Variants in LPP observed in about 807,000 individuals in gnomAD.
The protein encoded by LPP is lipoma-preferred partner.
In LPP, 38 loss-of-function variants were observed where a neutral mutation model predicts 60.4. The ratio of observed to expected loss-of-function variants is 0.63; its 90% CI spans 0.49 to 0.83. The LOEUF is 0.83. Ranked by LOEUF, LPP falls within the 40% of genes least tolerant of loss-of-function variation. The pLI, the probability that LPP is intolerant of heterozygous loss-of-function variation, is 0.00. For synonymous variants in LPP, 328 were observed against 290.8 expected (o/e 1.13, Z -1.30); for missense variants, 902 against 783.6 (o/e 1.15, Z -1.80).
At chr3:188,718,868 C>G (rs1715185250) in intron 8 of LPP, among the ~76,000 whole-genome samples, 1 of 152,158 alleles carries the variant, frequency 6.6e-6, no homozygotes, top group African/African-American at 2.4e-5. Context: ...TGGAGGGAAT[C>G]TTAAGAGACT....
At chr3:188,786,066 T>C (rs1036286521) in intron 9 of LPP, among the ~76,000 whole-genome samples, 1 of 152,130 alleles carries the variant, frequency 6.6e-6, no homozygotes, top group African/African-American at 2.4e-5. Flanking sequence ...CTTGCTTTTC[T>C]CAAAGTGCTA....
chr3:188,264,820 C>CT (rs1381491572), intron 2 of LPP, among the ~76,000 whole-genome samples: 8 of 151,796 alleles, frequency 5.3e-5, no homozygotes, highest in East Asian at 3.9e-4. Context: ...CTTTTCTTTC[C>CT]TTTTTTTTCT....
intron 3 of LPP, among the ~76,000 whole-genome samples, chr3:188,387,716 G>A (rs537661652): frequency 3.7e-4 from 56 of 151,834 alleles, no homozygotes; most frequent in East Asian, 7.8e-4. Context: ...ACAGGTGTGC[G>A]CCACCACACC....
At chr3:188,793,532 C>T (rs1185010972) in intron 9 of LPP, among the ~76,000 whole-genome samples, 1 of 152,092 alleles carries the variant, frequency 6.6e-6, no homozygotes, top group Non-Finnish European at 1.5e-5. Context: ...AGCGATCTAA[C>T]CTGTCATTTC....
In LPP at chr3:188,216,290, T is replaced by TTC. The variant is rs1553816107; in HGVS notation, c.-189-9114_-189-9113insCT. On this transcript the variant is annotated intron_variant, in intron 1 of 11. Coordinates refer to ENST00000617246, the MANE Select transcript of LPP (RefSeq NM_001375462.1). ...TCTTCTTCCTTTTTTTTTTTTTTTT[T>TTC]TGATGGAGTCTCACTCTCTTGCCTA... Among the ~76,000 whole-genome samples the TTC allele has an allele frequency of 4.0e-5, 6 of 150,126 alleles. 1 individual carries two copies. Among genetic ancestry groups the TTC allele is most frequent in the Non-Finnish European group, 5.9e-5 (4 of 67,600 alleles).
At chr3:188,681,919 A>G (rs1859620321) in intron 7 of LPP, among the ~76,000 whole-genome samples, 2 of 152,242 alleles carry the variant, frequency 1.3e-5, no homozygotes, top group Admixed American at 1.3e-4. Context: ...TTCTATGAGT[A>G]CAGGGAGTTT....
At chr3:188,787,400 C>T (rs954546829) in intron 9 of LPP, among the ~76,000 whole-genome samples, 1 of 151,730 alleles carries the variant, frequency 6.6e-6, no homozygotes, top group African/African-American at 2.4e-5. Flanking sequence ...AACCCTTTGA[C>T]AACTTTAGAT....
At chr3:188,811,382 A>G (rs927780400) in intron 9 of LPP, among the ~76,000 whole-genome samples, 57 of 146,122 alleles carry the variant, frequency 3.9e-4, no homozygotes, top group African/African-American at 1.2e-3. Flanking sequence ...ACACACACAC[A>G]CACGCACACA....
At chr3:188,220,726 G>A (rs1407135792) in intron 1 of LPP, among the ~76,000 whole-genome samples, 1 of 152,196 alleles carries the variant, frequency 6.6e-6, no homozygotes, top group Non-Finnish European at 1.5e-5. Flanking sequence ...CAGAGTGGTA[G>A]TCCTGCTTGG....
chr3:188,690,994 C>T (rs987131237), intron 7 of LPP, among the ~76,000 whole-genome samples: 1 of 151,944 alleles, frequency 6.6e-6, no homozygotes, highest in Non-Finnish European at 1.5e-5. Flanking sequence ...TACTTCTATC[C>T]ATATTTTTCC....
At chr3:188,250,144 C>G (rs1421650242) in intron 2 of LPP, among the ~76,000 whole-genome samples, 1 of 152,132 alleles carries the variant, frequency 6.6e-6, no homozygotes, top group Non-Finnish European at 1.5e-5. Context: ...ATTCAGTGTA[C>G]AGTCCAGCCT....
At chr3:188,629,083 T>G (rs1847383325) in intron 7 of LPP, among the ~76,000 whole-genome samples, 1 of 151,970 alleles carries the variant, frequency 6.6e-6, no homozygotes, top group Non-Finnish European at 1.5e-5. Flanking sequence ...CCTCAACAAC[T>G]TGAAATTGAA....
rs74561517 is a variant in LPP at position 188,350,282 on chromosome 3, T to C, written c.-10+8563T>C. Among the ~76,000 whole-genome samples the C allele has an allele frequency of 5.7e-3, 872 of 152,314 alleles. 5 individuals are homozygous for C. Among genetic ancestry groups the C allele is most frequent in the African/African-American group, 0.02 (817 of 41,576 alleles). ...ATGTGTGAGCTCAGTAATTATACTT[T>C]GAGAGAGACAGAATTTGGAGAACTC... On this transcript the variant is annotated intron_variant, in intron 3 of 11. Coordinates refer to ENST00000617246, the MANE Select transcript of LPP (RefSeq NM_001375462.1).
rs1752768693 is a variant in LPP, at chr3:188,309,689, T to C, written c.-66-31974T>C. Reference sequence around the variant, plus strand: ...TCGATAAAATAGGTTTAAATAGCCTTATGCCTGTATAATATTCATGAAAAG... The same window carrying C: ...TCGATAAAATAGGTTTAAATAGCCTCATGCCTGTATAATATTCATGAAAAG... On this transcript the variant is annotated intron_variant, in intron 2 of 11. Coordinates refer to ENST00000617246, the MANE Select transcript of LPP (RefSeq NM_001375462.1). 5.3e-5 allele frequency among the ~76,000 whole-genome samples: 8 copies of C among 152,164 alleles called. No individual in the cohort carries two copies. The South Asian group carries it at 1.7e-3, about 31-fold the overall frequency.
At chr3:188,409,323 T>C (rs575015500) in intron 4 of LPP, among the ~76,000 whole-genome samples, 1 of 152,324 alleles carries the variant, frequency 6.6e-6, no homozygotes, top group East Asian at 1.9e-4. Context: ...CTTTAATATA[T>C]AAGTTAAAGA....
intron 9 of LPP, among the ~76,000 whole-genome samples, chr3:188,856,046 G>A (rs1354458106): frequency 6.6e-6 from 1 of 152,090 alleles, no homozygotes; most frequent in African/African-American, 2.4e-5. Flanking sequence ...CAAAATTGAG[G>A]GTTGTTAAGA....
chr3:188,244,216 C>T (rs969143290), intron 2 of LPP, among the ~76,000 whole-genome samples: 8 of 152,146 alleles, frequency 5.3e-5, no homozygotes, highest in East Asian at 3.9e-4. Flanking sequence ...AATTTGGGAG[C>T]GTTTAAAAGC....
At chr3:188,482,045 A>G (rs751408297) in intron 4 of LPP, among the ~76,000 whole-genome samples, 9 of 152,146 alleles carry the variant, frequency 5.9e-5, no homozygotes, top group Admixed American at 1.3e-4. Flanking sequence ...TTCTCATGAT[A>G]GTGAGTGTGT....
intron 4 of LPP, among the ~76,000 whole-genome samples, chr3:188,450,354 T>G (rs971645696): frequency 1.3e-5 from 2 of 152,234 alleles, no homozygotes; most frequent in African/African-American, 4.8e-5. Flanking sequence ...ATATATACCC[T>G]GCCCATAGAT....
Sources: gnomAD v4.1 joint callset for allele counts (sites outside exome capture counted in the v4.1 genomes callset) on GRCh38, gnomAD v4.1.1 for gene constraint, MANE v1.5 for transcripts, NCBI Gene and HGNC (gene_info 2026-07-23, HGNC 2026-07-21) for gene names.